Variants in LPCAT1 observed in about 807,000 individuals in gnomAD.
LPCAT1 encodes lysophosphatidylcholine acyltransferase 1.
Under a neutral mutation model 60.9 loss-of-function variants are expected in LPCAT1, and 23 were observed. That is an observed-to-expected ratio of 0.38 (90% CI 0.27 to 0.53). The LOEUF (loss-of-function observed/expected upper bound fraction) is 0.53. LPCAT1 is among the 20% of genes least tolerant of loss of function. The pLI, the probability that LPCAT1 is intolerant of heterozygous loss-of-function variation, is 0.82. For synonymous variants in LPCAT1, 340 were observed against 301.1 expected, an observed-to-expected ratio of 1.13 and a Z score of -1.34; for missense variants, 622 against 723.6, an observed-to-expected ratio of 0.86 and a Z score of 1.61.
At chr5:1,508,281 T>A (rs35837130) in intron 1 of LPCAT1, among the ~76,000 whole-genome samples, 30,283 of 152,204 alleles carry the variant, frequency 0.2, 3,231 homozygotes, top group Middle Eastern at 0.25. Flanking sequence ...GTATTATCAC[T>A]GCTTTGGTGT....
chr5:1,514,915 C>G (rs988497605), intron 1 of LPCAT1, among the ~76,000 whole-genome samples: 1 of 152,212 alleles, frequency 6.6e-6, no homozygotes, highest in African/African-American at 2.4e-5. Flanking sequence ...GCCAATCTCC[C>G]CGGACCTCCC....
rs1375941116 is a variant in LPCAT1 at position 1,461,470 on chromosome 5, C to T, written c.*2181G>A. 1.3e-5 allele frequency: 2 copies of T among 152,366 alleles called. No individual in the cohort carries two copies. Among genetic ancestry groups the T allele is most frequent in the Non-Finnish European group, 2.9e-5 (2 of 68,056 alleles). 9.4% of individuals were successfully genotyped at this position (152,366 alleles called of 1,614,324 possible). Reference sequence around the variant, plus strand: ...ATGTTTTACTTATTCCATTGAAAATCCCAAGTTCCTTCATGGCAACCCTCC... The same window carrying T: ...ATGTTTTACTTATTCCATTGAAAATTCCAAGTTCCTTCATGGCAACCCTCC... On this transcript the variant is annotated 3_prime_UTR_variant, in exon 14 of 14. Coordinates refer to ENST00000283415, the MANE Select transcript of LPCAT1 (RefSeq NM_024830.5).
chr5:1,521,955 A>T lies in LPCAT1; in HGVS notation c.135+1755T>A, dbSNP rs369492094. 1.5e-3 allele frequency among the ~76,000 whole-genome samples: 229 copies of T among 152,290 alleles called. No individual in the cohort carries two copies. The highest frequency in any genetic ancestry group is 0.014 in the Middle Eastern group (4 of 294). ...CAGTGGGTGCACACTTTTGGACAGA[A>T]CACACCTCAACCGGGGGCTGCAACT... is the stretch of plus-strand genomic sequence containing the variant. On this transcript the variant is annotated intron_variant, in intron 1 of 13. Coordinates refer to ENST00000283415, the MANE Select transcript of LPCAT1 (RefSeq NM_024830.5). The surrounding 1 kb of genome is among the most constrained non-coding windows in gnomAD (Gnocchi z 4.3).
intron 1 of LPCAT1, among the ~76,000 whole-genome samples, chr5:1,509,317 T>C (rs1224046852): frequency 1.3e-5 from 2 of 152,248 alleles, no homozygotes; most frequent in East Asian, 1.9e-4. Context: ...GCTTTAATTA[T>C]GTGGAAAAAA....
chr5:1,469,593 A>G (rs1734585381), intron 12 of LPCAT1, among the ~76,000 whole-genome samples: 1 of 152,164 alleles, frequency 6.6e-6, no homozygotes, highest in South Asian at 2.1e-4. Flanking sequence ...CCTGGCCAAC[A>G]TGGTGAAACC....
Position 1,477,428 on chromosome 5 carries a change from C to T in LPCAT1, c.875G>A (p.Ser292Asn), listed in dbSNP as rs775268624. Residue 292 changes from serine to asparagine, a missense_variant, in exon 9 of 14, where the codon AGC (serine) becomes AAC (asparagine). This residue lies in a region of LPCAT1 where 209 missense variants were observed against 325.5 expected (regional missense o/e 0.64). Transcript: ENST00000283415. This position sits in a 1 kb window ranked among gnomAD's most constrained non-coding sequence, Gnocchi z 6.0. ...EEKRNPALYA[S>N]NVRRVMAEAL... The stretch of plus-strand genomic sequence containing the variant: ...CTCGGCCATGACTCGCCGCACGTTG[C>T]TGGCATACAGCGCGGGGTTCCTCTT... 6.2e-7 allele frequency: 1 copy of T among 1,614,030 alleles called. No homozygotes were observed. Among genetic ancestry groups the T allele is most frequent in the South Asian group, 1.1e-5 (1 of 91,076 alleles).
intron 1 of LPCAT1, among the ~76,000 whole-genome samples, chr5:1,510,024 T>C (rs1323416651): frequency 1.3e-5 from 2 of 152,170 alleles, no homozygotes; most frequent in East Asian, 1.9e-4. Flanking sequence ...CCATTTCTGT[T>C]TGTGTAATTT....
In LPCAT1 at chr5:1,523,807, G is replaced by A. The variant is rs979437124; in HGVS notation, c.38C>T (p.Ala13Val). 5 of 1,096,740 alleles carry A rather than the reference G, an allele frequency of 4.6e-6. No individual in the cohort carries two copies. Among genetic ancestry groups the A allele is most frequent in the South Asian group, 3.9e-5 (1 of 25,656 alleles). 67.9% of individuals were successfully genotyped at this position (1,096,740 alleles called of 1,614,324 possible). Reference protein sequence around the residue: ...LRGCGPRAAPASSAGASDARL... With the variant: ...LRGCGPRAAPVSSAGASDARL... The stretch of plus-strand genomic sequence containing the variant: ...AGCGTCGCTGGCCCCTGCGCTGGAG[G>A]CAGGGGCGGCCCGGGGTCCGCATCC... The change falls in exon 1 of 14, where the codon GCC (alanine) becomes GTC (valine). Residue 13 changes from alanine to valine, a missense_variant. Ala to Val is a moderately conservative substitution (Grantham distance 64). Transcript: ENST00000283415. This position sits in a 1 kb window ranked among gnomAD's most constrained non-coding sequence, Gnocchi z 7.1.
intron 13 of LPCAT1, among the ~76,000 whole-genome samples, chr5:1,464,059 C>T (rs929728207): frequency 6.6e-6 from 1 of 152,200 alleles, no homozygotes; most frequent in Non-Finnish European, 1.5e-5. Context: ...TGGGTGTCCT[C>T]CTAGCTACTC....
At chr5:1,500,529 G>A (rs944353195) in intron 2 of LPCAT1, among the ~76,000 whole-genome samples, 3 of 152,078 alleles carry the variant, frequency 2.0e-5, no homozygotes, top group Admixed American at 2.0e-4. Context: ...GCCCTGGAGG[G>A]GTGGTGCCAG....
In LPCAT1 at chr5:1,480,432, G is replaced by A; in HGVS notation, c.761+510C>T. On this transcript the variant is annotated intron_variant, in intron 7 of 13. Coordinates refer to ENST00000283415, the MANE Select transcript of LPCAT1 (RefSeq NM_024830.5). The surrounding 1 kb of genome is among the most constrained non-coding windows in gnomAD (Gnocchi z 6.4). ...CAGACGTCAGCACCCAGGAGGCCCT[G>A]ACCAGCCTGTGGCCCCGGGCTTCTC... 1 of 951,070 alleles carries A rather than the reference G, an allele frequency of 1.1e-6. No homozygotes were observed. Among genetic ancestry groups the A allele is most frequent in the Non-Finnish European group, 1.3e-6 (1 of 798,620 alleles). The allele number at this position is 951,070 out of a possible 1,614,324, so 58.9% of individuals were successfully genotyped here.
intron 11 of LPCAT1, among the ~76,000 whole-genome samples, chr5:1,473,586 C>T (rs527666846): frequency 5.3e-5 from 8 of 152,282 alleles, no homozygotes; most frequent in Middle Eastern, 3.4e-3. Flanking sequence ...TCATAGAGGA[C>T]GGGCGTGTTA....
rs1048881663 is a variant in LPCAT1 at position 1,495,939 on chromosome 5, C to T, written c.279-1025G>A. Among the ~76,000 whole-genome samples, 2 of 152,172 alleles carry T rather than the reference C, an allele frequency of 1.3e-5. No individual in the cohort carries two copies. Among genetic ancestry groups the T allele is most frequent in the Admixed American group, 6.5e-5 (1 of 15,278 alleles). Reference sequence around the variant, plus strand: ...CACCTTGGAATGGCCTTTGTGTATGCGATGATAAACAATGGTGTAGTTACA... The same window carrying T: ...CACCTTGGAATGGCCTTTGTGTATGTGATGATAAACAATGGTGTAGTTACA... On this transcript the variant is annotated intron_variant, in intron 2 of 13. Coordinates refer to ENST00000283415, the MANE Select transcript of LPCAT1 (RefSeq NM_024830.5). The surrounding 1 kb of genome is among the most constrained non-coding windows in gnomAD (Gnocchi z 4.7).
intron 13 of LPCAT1, among the ~76,000 whole-genome samples, chr5:1,466,487 G>C (rs1734410800): frequency 6.6e-6 from 1 of 152,216 alleles, no homozygotes; most frequent in African/African-American, 2.4e-5. Context: ...TGAGGCCATG[G>C]AAGGCTCAGA....
chr5:1,467,140 T>C (rs1242052551), intron 12 of LPCAT1: 1 of 382,070 alleles, frequency 2.6e-6, no homozygotes, highest in Non-Finnish European at 4.6e-6. Context: ...GCTCAGACGC[T>C]GCCCACCCCA....
At chr5:1,489,021 C>T (rs1187147080) in intron 4 of LPCAT1, among the ~76,000 whole-genome samples, 1 of 152,254 alleles carries the variant, frequency 6.6e-6, no homozygotes, top group Non-Finnish European at 1.5e-5. Flanking sequence ...AAACTCCCAG[C>T]CCCGCAGGCT....
rs1204177951 is a variant in LPCAT1 at position 1,515,350 on chromosome 5, G to GC, written c.135+8359dup. ...TCCGAACTGGCTGCAGATACAGGGA[G>GC]CCCCCCAGCACATCCTGGCCCAAAC... is the stretch of plus-strand genomic sequence containing the variant. On this transcript the variant is annotated intron_variant, in intron 1 of 13. Transcript: ENST00000283415. 5.9e-5 allele frequency among the ~76,000 whole-genome samples: 9 copies of GC among 151,870 alleles called. No homozygotes were observed. The East Asian group carries it at 1.4e-3, about 23-fold the overall frequency.
chr5:1,505,380 CCA>C (rs1284212186), intron 1 of LPCAT1, among the ~76,000 whole-genome samples: 7 of 151,648 alleles, frequency 4.6e-5, no homozygotes, highest in African/African-American at 1.7e-4. Context: ...ACTGCTTCCA[CCA>C]CAGAGTGCGG....
intron 3 of LPCAT1, among the ~76,000 whole-genome samples, chr5:1,494,269 G>A (rs1337131298): frequency 6.6e-6 from 1 of 152,240 alleles, no homozygotes; most frequent in Non-Finnish European, 1.5e-5. Context: ...AAGCACTGTA[G>A]CCTGTTATGA....
Sources: gnomAD v4.1 joint callset for allele counts (sites outside exome capture counted in the v4.1 genomes callset) on GRCh38, gnomAD v4.1.1 for gene constraint, gnomAD v4.1.1 regional missense constraint, Gnocchi (gnomAD v3.1) non-coding constraint, MANE v1.5 for transcripts, NCBI Gene and HGNC (gene_info 2026-07-23, HGNC 2026-07-21) for gene names.